Variants in RNF24 observed in about 807,000 individuals in gnomAD.
RNF24 encodes the protein ring finger protein 24.
In RNF24, 14 loss-of-function variants were observed where a neutral mutation model predicts 20.0. The observed-to-expected ratio is 0.70, with a 90% CI of 0.46 to 1.10. The LOEUF is 1.10. RNF24 is among the 50% of genes least tolerant of loss of function. The pLI, the probability that RNF24 is intolerant of heterozygous loss-of-function variation, is 0.00. For missense variants in RNF24, 124 were observed against 177.6 expected (o/e 0.70, Z 1.71); for synonymous variants, 45 against 61.1 (o/e 0.74, Z 1.23).
rs2090864787 is a variant in RNF24, at chr20:3,934,369, C to T, written c.309-168G>A. Among the ~76,000 whole-genome samples, 1 of 152,152 alleles carries T rather than the reference C, an allele frequency of 6.6e-6. No individual in the cohort carries two copies. Among genetic ancestry groups the T allele is most frequent in the South Asian group, 2.1e-4 (1 of 4,834 alleles). ...TCACCCCCTGGAGAGAGGGAAGAGA[C>T]AGAGAGAAGGAGTGGGGAGAGGCCA... On this transcript the variant is annotated intron_variant, in intron 5 of 5. Coordinates refer to ENST00000358395, the MANE Select transcript of RNF24 (RefSeq NM_001134337.3). The surrounding 1 kb of genome is among the most constrained non-coding windows in gnomAD (Gnocchi z 4.0).
intron 2 of RNF24, among the ~76,000 whole-genome samples, chr20:3,948,998 T>G (rs2146963347): frequency 6.6e-6 from 1 of 152,364 alleles, no homozygotes; most frequent in South Asian, 2.1e-4. Flanking sequence ...TTATTAAAGC[T>G]GATACACAAA....
At chr20:3,997,034 C>A (rs1389429898) in intron 1 of RNF24, among the ~76,000 whole-genome samples, 1 of 151,654 alleles carries the variant, frequency 6.6e-6, no homozygotes, top group African/African-American at 2.4e-5. Context: ...TCCTGGCTAA[C>A]ACGGTGAAAC....
intron 1 of RNF24, among the ~76,000 whole-genome samples, chr20:3,964,913 C>A (rs2146991550): frequency 6.6e-6 from 1 of 152,280 alleles, no homozygotes; most frequent in African/African-American, 2.4e-5. Context: ...CAGAGCCTCT[C>A]CAACTCCAAA....
chr20:3,957,131 C>G (rs576847362), intron 2 of RNF24, among the ~76,000 whole-genome samples: 2 of 151,774 alleles, frequency 1.3e-5, no homozygotes, highest in Non-Finnish European at 2.9e-5. Flanking sequence ...AACCCTGTCT[C>G]TACTAAAAAT....
At chr20:3,988,819 ATC>A (rs1980155652) in intron 1 of RNF24, among the ~76,000 whole-genome samples, 1 of 152,212 alleles carries the variant, frequency 6.6e-6, no homozygotes, top group South Asian at 2.1e-4. Flanking sequence ...AAATGGCTGT[ATC>A]TTTTTTAATC....
chr20:3,962,445 T>C (rs2091212496), intron 2 of RNF24, among the ~76,000 whole-genome samples: 1 of 152,270 alleles, frequency 6.6e-6, no homozygotes. Flanking sequence ...CACAAAAATA[T>C]ATTAAATGCT....
chr20:3,954,883 T>C (rs1209028285), intron 2 of RNF24, among the ~76,000 whole-genome samples: 1 of 149,208 alleles, frequency 6.7e-6, no homozygotes. Context: ...CGGGTGACAG[T>C]GCGAGACTCC....
Position 3,959,628 on chromosome 20 carries a change from T to A in RNF24, c.143+4247A>T, listed in dbSNP as rs76745912. Among the ~76,000 whole-genome samples, 697 of 152,308 alleles carry A rather than the reference T, an allele frequency of 4.6e-3. 14 individuals are homozygous for A. Among genetic ancestry groups the A allele is most frequent in the Admixed American group, 0.03 (459 of 15,296 alleles). On this transcript the variant is annotated intron_variant, in intron 2 of 5. Coordinates refer to ENST00000358395, the MANE Select transcript of RNF24 (RefSeq NM_001134337.3). ...ATAATTTTATCCAAGTTACATATGT[T>A]GTCATATGTGGCTCTACAGGGTTAA...
At position 3,934,382 on chromosome 20, in the gene RNF24, T is replaced by C. The variant is rs2090865060; in HGVS notation, c.309-181A>G. ...AGAGGGAAGAGACAGAGAGAAGGAG[T>C]GGGGAGAGGCCAAGGGGTCAGCAAT... On this transcript the variant is annotated intron_variant, in intron 5 of 5. Coordinates refer to ENST00000358395, the MANE Select transcript of RNF24 (RefSeq NM_001134337.3). This position sits in a 1 kb window ranked among gnomAD's most constrained non-coding sequence, Gnocchi z 4.0. 6.6e-6 allele frequency among the ~76,000 whole-genome samples: 1 copy of C among 151,704 alleles called. No homozygotes were observed. The highest frequency in any genetic ancestry group is 2.4e-5 in the African/African-American group (1 of 41,278).
At chr20:3,974,321 T>C in intron 1 of RNF24, 1 of 1,550,610 alleles carries the variant, frequency 6.4e-7, no homozygotes, top group Non-Finnish European at 8.7e-7. Context: ...TGTGAAAGAC[T>C]GAATACTTAC....
At chr20:4,010,581 C>T in intron 1 of RNF24, among the ~76,000 whole-genome samples, 1 of 152,032 alleles carries the variant, frequency 6.6e-6, no homozygotes, top group East Asian at 1.9e-4. Flanking sequence ...TTGTCATTTC[C>T]TAAGGTGGAT....
rs189601153 is a variant in RNF24, at chr20:3,974,233, A to G, written c.-7-10209T>C. ...AGAGAACTTCTTCAACATGTTAAAA[A>G]GCATCTACAAAAAACAAACCGGCAA... On this transcript the variant is annotated intron_variant, in intron 1 of 5. Coordinates refer to ENST00000358395, the MANE Select transcript of RNF24 (RefSeq NM_001134337.3). 1.9e-5 allele frequency: 23 copies of G among 1,217,062 alleles called. No homozygotes were observed. The African/African-American group carries it at 3.2e-4, about 17-fold the overall frequency. The allele number at this position is 1,217,062 out of a possible 1,614,324, so 75.4% of individuals were successfully genotyped here. A position where few individuals can be genotyped will look rare whatever the true frequency, so the allele number is the denominator to read the frequency against.
chr20:4,001,707 G>T (rs1481495801), intron 1 of RNF24, among the ~76,000 whole-genome samples: 3 of 152,060 alleles, frequency 2.0e-5, no homozygotes, highest in African/African-American at 7.2e-5. Context: ...AGGCCAAGGT[G>T]GAAGGATCGC....
chr20:4,002,003 A>C (rs891824641), intron 1 of RNF24, among the ~76,000 whole-genome samples: 1 of 151,884 alleles, frequency 6.6e-6, no homozygotes, highest in Non-Finnish European at 1.5e-5. Context: ...CCATAATCCC[A>C]CCACTTTGGG....
At chr20:4,003,660 T>TTG (rs869271532) in intron 1 of RNF24, among the ~76,000 whole-genome samples, 1 of 115,670 alleles carries the variant, frequency 8.6e-6, no homozygotes, top group South Asian at 2.6e-4. Flanking sequence ...TTTTTTTTTT[T>TTG]GAGACAGAGT....
intron 1 of RNF24, among the ~76,000 whole-genome samples, chr20:3,969,252 G>C (rs575853296): frequency 1.3e-5 from 2 of 152,138 alleles, no homozygotes; most frequent in African/African-American, 4.8e-5. Context: ...ATCACTGTCT[G>C]TATCTCCATT....
chr20:3,998,385 A>C (rs1247629736), intron 1 of RNF24, among the ~76,000 whole-genome samples: 1 of 151,696 alleles, frequency 6.6e-6, no homozygotes. Flanking sequence ...GACCAGCCTG[A>C]CCAGTATGGT....
chr20:3,940,908 A>G (rs938522210), intron 4 of RNF24, among the ~76,000 whole-genome samples: 5 of 152,248 alleles, frequency 3.3e-5, no homozygotes, highest in Non-Finnish European at 7.3e-5. Context: ...TTACTAAAGG[A>G]AAGTTCATTA....
intron 1 of RNF24, among the ~76,000 whole-genome samples, chr20:4,002,737 G>C (rs1013858061): frequency 2.0e-5 from 3 of 152,022 alleles, no homozygotes; most frequent in African/African-American, 7.2e-5. Context: ...CCTGAAGTAG[G>C]TTATTTCACT....
Sources: gnomAD v4.1 joint callset for allele counts (sites outside exome capture counted in the v4.1 genomes callset) on GRCh38, gnomAD v4.1.1 for gene constraint, Gnocchi (gnomAD v3.1) non-coding constraint, MANE v1.5 for transcripts, NCBI Gene and HGNC (gene_info 2026-07-23, HGNC 2026-07-21) for gene names.